TSPAN11: variants seen among roughly 807,000 people sequenced by gnomAD.
TSPAN11 encodes tetraspanin-11.
Under a neutral mutation model 32.9 loss-of-function variants are expected in TSPAN11, and 29 were observed. The observed-to-expected ratio is 0.88, with a 90% CI of 0.66 to 1.20. TSPAN11 has a LOEUF of 1.20. TSPAN11 is among the 50% of genes most tolerant of loss of function. TSPAN11 has a pLI of 0.00. For synonymous variants in TSPAN11, 140 were observed against 141.3 expected, an observed-to-expected ratio of 0.99 and a Z score of 0.07; for missense variants, 283 against 329.1, an observed-to-expected ratio of 0.86 and a Z score of 1.08.
In TSPAN11 at chr12:30,981,796, AC is replaced by A. The variant is rs572402794; in HGVS notation, c.457-735del. ...TGCCTAGCAAACTCTTGTTAGCTGA[AC>A]TAAACATACCTCCACCCCACCCACC... On this transcript the variant is annotated intron_variant, in intron 5 of 7. Transcript: ENST00000546076. Among the ~76,000 whole-genome samples, 17 of 152,314 alleles carry A rather than the reference AC, an allele frequency of 1.1e-4. No homozygotes were observed. The East Asian group carries it at 3.1e-3, about 28-fold the overall frequency.
At chr12:30,940,243 T>C (rs774512302) in intron 1 of TSPAN11, among the ~76,000 whole-genome samples, 14 of 152,180 alleles carry the variant, frequency 9.2e-5, no homozygotes, top group Non-Finnish European at 2.1e-4. Flanking sequence ...CTGAGTGGGA[T>C]GAGAAATATT....
intron 1 of TSPAN11, among the ~76,000 whole-genome samples, chr12:30,928,740 C>G (rs185389671): frequency 8.5e-5 from 13 of 152,316 alleles, no homozygotes; most frequent in African/African-American, 3.1e-4. Flanking sequence ...GATTATCATT[C>G]TGTTTTCAAC....
intron 1 of TSPAN11, among the ~76,000 whole-genome samples, chr12:30,937,103 A>G (rs914846977): frequency 6.6e-6 from 1 of 152,244 alleles, no homozygotes; most frequent in African/African-American, 2.4e-5. Flanking sequence ...TTTCAAATTC[A>G]GCAGAGATGA....
At chr12:30,958,132 T>G (rs1938537130) in intron 2 of TSPAN11, among the ~76,000 whole-genome samples, 2 of 151,912 alleles carry the variant, frequency 1.3e-5, no homozygotes, top group Admixed American at 6.6e-5. Flanking sequence ...GATGAACAGG[T>G]GATCTCATGT....
the TSPAN11 span, among the ~76,000 whole-genome samples, chr12:31,008,500 G>C: frequency 0.019 from 2,959 of 152,328 alleles, 79 homozygotes; most frequent in East Asian, 0.13. Flanking sequence ...TGAGTCAGGA[G>C]CTGGTAGTGG....
At chr12:30,989,094 G>A (rs1939260679) in intron 7 of TSPAN11, among the ~76,000 whole-genome samples, 1 of 152,242 alleles carries the variant, frequency 6.6e-6, no homozygotes, top group Non-Finnish European at 1.5e-5. Context: ...GCCAGGTGCT[G>A]TGCCCAGTGC....
At chr12:30,937,521 G>T (rs941947424) in intron 1 of TSPAN11, among the ~76,000 whole-genome samples, 6 of 152,170 alleles carry the variant, frequency 3.9e-5, no homozygotes, top group African/African-American at 1.2e-4. Flanking sequence ...AGGCTGAACT[G>T]CTGTGTCAGA....
intron 1 of TSPAN11, among the ~76,000 whole-genome samples, chr12:30,931,753 G>A (rs747628654): frequency 8.6e-5 from 13 of 151,708 alleles, no homozygotes; most frequent in Non-Finnish European, 1.9e-4. Context: ...GGTGGTAGGT[G>A]CCTGTAATCC....
intron 6 of TSPAN11, 140 bp from the exon 7 acceptor site, chr12:30,982,924 C>T (rs1939123983): frequency 1.8e-6 from 2 of 1,095,254 alleles, no homozygotes; most frequent in South Asian, 1.4e-5. Flanking sequence ...ACTCAAGTAG[C>T]CTGTGAGCAA....
the TSPAN11 span, chr12:31,006,041 A>T: frequency 6.5e-6 from 1 of 153,750 alleles, no homozygotes; most frequent in South Asian, 2.0e-4. Flanking sequence ...AGGAAGGGAG[A>T]GGGAGGAACA....
intron 2 of TSPAN11, among the ~76,000 whole-genome samples, chr12:30,962,806 G>A (rs2140292091): frequency 6.6e-6 from 1 of 152,274 alleles, no homozygotes; most frequent in African/African-American, 2.4e-5. Flanking sequence ...ACATTCCCAG[G>A]AGCAGATGGC....
chr12:30,956,883 C>A (rs531570999), intron 2 of TSPAN11, among the ~76,000 whole-genome samples: 1 of 152,344 alleles, frequency 6.6e-6, no homozygotes, highest in Non-Finnish European at 1.5e-5. Flanking sequence ...TGCTCCCTTG[C>A]CTGGAGAGGC....
At chr12:30,989,359 G>A (rs759831392) in intron 7 of TSPAN11, among the ~76,000 whole-genome samples, 1 of 152,200 alleles carries the variant, frequency 6.6e-6, no homozygotes, top group Non-Finnish European at 1.5e-5. Flanking sequence ...GAGCCAGGGT[G>A]AGGGAATAGC....
At chr12:31,007,030 T>TCTCCCATCGGTGTAGGGGGGGCCCCTCC in the TSPAN11 span, among the ~76,000 whole-genome samples, 1 of 152,060 alleles carries the variant, frequency 6.6e-6, no homozygotes, top group Admixed American at 6.5e-5. Flanking sequence ...CTGCCACCAG[T>TCTCCCATCGGTGTAGGGGGGGCCCCTCC]CTCCCATCGG....
downstream of TSPAN11, among the ~76,000 whole-genome samples, chr12:30,998,621 A>G (rs1026963610): frequency 1.3e-5 from 2 of 152,202 alleles, no homozygotes; most frequent in Admixed American, 1.3e-4. Context: ...ATCAGGCCAG[A>G]GGACAAGAGG....
the TSPAN11 span, among the ~76,000 whole-genome samples, chr12:31,013,018 G>A: frequency 6.6e-6 from 1 of 152,110 alleles, no homozygotes; most frequent in Non-Finnish European, 1.5e-5. Flanking sequence ...TCTAAGCAAG[G>A]GAGTAGCAAG....
At chr12:31,015,958 T>C in the TSPAN11 span, among the ~76,000 whole-genome samples, 1 of 152,092 alleles carries the variant, frequency 6.6e-6, no homozygotes, top group Non-Finnish European at 1.5e-5. The surrounding 1 kb of genome is among the most constrained non-coding windows in gnomAD (Gnocchi z 4.9). Flanking sequence ...CAACCAACAC[T>C]GTCTTCACCT....
chr12:30,955,440 A>G (rs1161600324), intron 2 of TSPAN11, among the ~76,000 whole-genome samples: 4 of 152,234 alleles, frequency 2.6e-5, no homozygotes, highest in Admixed American at 1.3e-4. Context: ...AAGAGTAACT[A>G]TTTATTTCCT....
At chr12:30,932,808 C>T (rs530930121) in intron 1 of TSPAN11, among the ~76,000 whole-genome samples, 1 of 152,308 alleles carries the variant, frequency 6.6e-6, no homozygotes, top group Non-Finnish European at 1.5e-5. Flanking sequence ...GTTTCGGAGA[C>T]AAGATAGGGA....
Sources: gnomAD v4.1 joint callset for allele counts (sites outside exome capture counted in the v4.1 genomes callset) on GRCh38, gnomAD v4.1.1 for gene constraint, Gnocchi (gnomAD v3.1) non-coding constraint, MANE v1.5 for transcripts, NCBI Gene and HGNC (gene_info 2026-07-23, HGNC 2026-07-21) for gene names.